SLC24A2: variants seen among roughly 807,000 people sequenced by gnomAD.
SLC24A2 encodes the protein solute carrier family 24 member 2.
Under a neutral mutation model 62.0 loss-of-function variants are expected in SLC24A2, and 36 were observed. The ratio of observed to expected loss-of-function variants is 0.58; its 90% CI spans 0.44 to 0.77. SLC24A2 has a LOEUF of 0.77. Ranked by LOEUF, SLC24A2 falls within the 30% of genes least tolerant of loss-of-function variation. The pLI is 0.00. For synonymous variants in SLC24A2, 358 were observed against 294.0 expected, an observed-to-expected ratio of 1.22 and a Z score of -2.23; for missense variants, 846 against 817.9, an observed-to-expected ratio of 1.03 and a Z score of -0.42.
chr9:20,155,996 T>G, the SLC24A2 span, among the ~76,000 whole-genome samples: 1 of 151,932 alleles, frequency 6.6e-6, no homozygotes, highest in East Asian at 1.9e-4. Flanking sequence ...ATAATTAGAA[T>G]ACTTCATCTT....
the SLC24A2 span, among the ~76,000 whole-genome samples, chr9:20,039,549 A>T: frequency 1.3e-5 from 2 of 151,946 alleles, no homozygotes; most frequent in African/African-American, 4.8e-5. Context: ...GACAAGCAGG[A>T]GGGCAGGAGG....
intron 2 of SLC24A2, among the ~76,000 whole-genome samples, chr9:19,692,804 A>T (rs1820080443): frequency 6.6e-6 from 1 of 152,172 alleles, no homozygotes; most frequent in Non-Finnish European, 1.5e-5. Flanking sequence ...TGCTCAGTAC[A>T]TAGGAAGTGC....
chr9:19,796,299 A>G, the SLC24A2 span, among the ~76,000 whole-genome samples: 2 of 152,118 alleles, frequency 1.3e-5, no homozygotes, highest in African/African-American at 4.8e-5. Flanking sequence ...GCTGCATAGT[A>G]TACTAATTCA....
chr9:20,076,861 G>GTATA, the SLC24A2 span, among the ~76,000 whole-genome samples: 13,354 of 105,606 alleles, frequency 0.13, 797 homozygotes, highest in Non-Finnish European at 0.17. Flanking sequence ...CATATCATAT[G>GTATA]TATATATATA....
At chr9:20,104,346 G>A in the SLC24A2 span, among the ~76,000 whole-genome samples, 1 of 152,098 alleles carries the variant, frequency 6.6e-6, no homozygotes, top group African/African-American at 2.4e-5. Flanking sequence ...GAAATACAGA[G>A]AACGCCACAA....
chr9:19,589,300 C>T (rs556622245), intron 5 of SLC24A2, among the ~76,000 whole-genome samples: 16 of 152,010 alleles, frequency 1.1e-4, no homozygotes, highest in Non-Finnish European at 2.4e-4. Flanking sequence ...TTAAAATGAA[C>T]GAAGAAAGTC....
the SLC24A2 span, among the ~76,000 whole-genome samples, chr9:20,111,254 C>T: frequency 2.6e-5 from 4 of 152,114 alleles, no homozygotes; most frequent in Non-Finnish European, 5.9e-5. Flanking sequence ...ATTCCTATCC[C>T]TCACCCATTA....
intron 2 of SLC24A2, among the ~76,000 whole-genome samples, chr9:19,784,039 A>G (rs1451413330): frequency 3.3e-5 from 5 of 152,244 alleles, no homozygotes; most frequent in African/African-American, 1.2e-4. Context: ...AATATTAAGT[A>G]TAGCACAAAA....
the SLC24A2 span, among the ~76,000 whole-genome samples, chr9:20,114,692 G>T: frequency 2.0e-5 from 3 of 151,962 alleles, no homozygotes; most frequent in Non-Finnish European, 4.4e-5. Context: ...GAATCTCCAC[G>T]CATTTTAGCA....
At chr9:19,679,575 G>A (rs1717776380) in intron 2 of SLC24A2, among the ~76,000 whole-genome samples, 1 of 152,148 alleles carries the variant, frequency 6.6e-6, no homozygotes, top group African/African-American at 2.4e-5. Context: ...CCCCACCAAT[G>A]TCGGGGGGCA....
chr9:19,822,929 C>G, the SLC24A2 span, among the ~76,000 whole-genome samples: 2 of 152,088 alleles, frequency 1.3e-5, no homozygotes, highest in Non-Finnish European at 2.9e-5. Context: ...TGGATAAAGG[C>G]AGCCTCCTTC....
In SLC24A2 at chr9:19,514,421, G is replaced by A. The variant is rs1832850309; in HGVS notation, c.*1732C>T. ...GGGTACAGAATAATGAACCATCCTT[G>A]ATTCAATTTTTCAACTGATTTTAAG... is the stretch of plus-strand genomic sequence containing the variant. On this transcript the variant is annotated 3_prime_UTR_variant, in exon 11 of 11. Coordinates refer to ENST00000341998, the MANE Select transcript of SLC24A2 (RefSeq NM_020344.4). 6.6e-6 allele frequency: 1 copy of A among 152,182 alleles called. No individual in the cohort carries two copies. The highest frequency in any genetic ancestry group is 2.4e-5 in the African/African-American group (1 of 41,444). The allele number at this position is 152,182 out of a possible 1,614,324, so 9.4% of individuals were successfully genotyped here.
the SLC24A2 span, among the ~76,000 whole-genome samples, chr9:20,018,597 C>T: frequency 5.9e-5 from 9 of 151,960 alleles, no homozygotes; most frequent in Non-Finnish European, 1.0e-4. Flanking sequence ...ATATGTGTTA[C>T]TTTTATAGCT....
the SLC24A2 span, among the ~76,000 whole-genome samples, chr9:20,231,359 C>T: frequency 2.0e-5 from 3 of 152,196 alleles, no homozygotes; most frequent in South Asian, 2.1e-4. Flanking sequence ...ATTCTTCCTA[C>T]CCATGAGCAT....
rs112395167 is a variant in SLC24A2, at chr9:19,788,226, T to C, written c.-154+659A>G. ...CTACTCCTGAGATAACCCGACCCCA[T>C]CACGGAGATTCCCAGGTGGCTGCGA... is the stretch of plus-strand genomic sequence containing the variant. On this transcript the variant is annotated intron_variant, in intron 1 of 10. Transcript: ENST00000341998. 4.3e-3 allele frequency among the ~76,000 whole-genome samples: 649 copies of C among 152,216 alleles called. 5 individuals carry two copies. The highest frequency in any genetic ancestry group is 0.015 in the African/African-American group (625 of 41,530).
the SLC24A2 span, among the ~76,000 whole-genome samples, chr9:20,222,738 T>C: frequency 1.2e-3 from 176 of 152,222 alleles, no homozygotes; most frequent in Non-Finnish European, 1.8e-3. Context: ...ATAATTATTT[T>C]AGTAGATGCA....
the SLC24A2 span, among the ~76,000 whole-genome samples, chr9:20,249,438 G>T: frequency 6.6e-6 from 1 of 152,146 alleles, no homozygotes; most frequent in Non-Finnish European, 1.5e-5. Flanking sequence ...CAGCGCAGTG[G>T]GTCATGCCTG....
At chr9:19,524,139 A>AG (rs1833324369) in intron 9 of SLC24A2, among the ~76,000 whole-genome samples, 1 of 82,888 alleles carries the variant, frequency 1.2e-5, no homozygotes, top group Non-Finnish European at 3.1e-5. Flanking sequence ...TTCATTTTCA[A>AG]AAAAAAAAAA....
chr9:20,179,829 T>C, the SLC24A2 span, among the ~76,000 whole-genome samples: 1 of 152,196 alleles, frequency 6.6e-6, no homozygotes. Flanking sequence ...CTGATAAACA[T>C]ATTGCTTCTA....
Sources: gnomAD v4.1 joint callset for allele counts (sites outside exome capture counted in the v4.1 genomes callset) on GRCh38, gnomAD v4.1.1 for gene constraint, MANE v1.5 for transcripts, NCBI Gene and HGNC (gene_info 2026-07-23, HGNC 2026-07-21) for gene names.